Variants in GRIN2B observed in about 807,000 individuals in gnomAD.
GRIN2B encodes the protein glutamate ionotropic receptor NMDA type subunit 2B.
GRIN2B carries 5 observed loss-of-function variants against 114.5 expected under a neutral mutation model. The observed-to-expected ratio is 0.04, with a 90% confidence interval of 0.02 to 0.09. The LOEUF is 0.09. GRIN2B is among the 10% of genes least tolerant of loss of function. The pLI is 1.00. For synonymous variants in GRIN2B, 787 were observed against 745.1 expected (o/e 1.06, Z -0.92); for missense variants, 1,108 against 1,943.5 (o/e 0.57, Z 8.08).
intron 3 of GRIN2B, among the ~76,000 whole-genome samples, chr12:13,863,673 GA>G (rs1195183854): frequency 6.6e-6 from 1 of 151,964 alleles, no homozygotes; most frequent in Non-Finnish European, 1.5e-5. Flanking sequence ...ATACATCAGC[GA>G]AAAAAAGAGT....
intron 2 of GRIN2B, among the ~76,000 whole-genome samples, chr12:13,914,286 C>T (rs1367929204): frequency 6.6e-6 from 1 of 152,166 alleles, no homozygotes; most frequent in African/African-American, 2.4e-5. Flanking sequence ...GCATCAGGTT[C>T]CAGCTTGCAC....
chr12:13,815,528 G>A (rs1864805464), intron 3 of GRIN2B, among the ~76,000 whole-genome samples: 2 of 152,276 alleles, frequency 1.3e-5, no homozygotes, highest in East Asian at 1.9e-4. Context: ...CATTAGAGAT[G>A]GGAGATTTGG....
At chr12:13,820,949 T>A (rs532153447) in intron 3 of GRIN2B, among the ~76,000 whole-genome samples, 1 of 152,292 alleles carries the variant, frequency 6.6e-6, no homozygotes, top group Admixed American at 6.5e-5. Context: ...ATTAAACTCC[T>A]TTGAATAACA....
At chr12:13,957,868 A>AT (rs1867618899) in intron 2 of GRIN2B, among the ~76,000 whole-genome samples, 1 of 152,194 alleles carries the variant, frequency 6.6e-6, no homozygotes, top group Admixed American at 6.5e-5. Flanking sequence ...GAAAACCCAG[A>AT]TTAGGCAAAT....
At chr12:13,846,059 C>T (rs1346045748) in intron 3 of GRIN2B, among the ~76,000 whole-genome samples, 1 of 152,184 alleles carries the variant, frequency 6.6e-6, no homozygotes, top group African/African-American at 2.4e-5. Context: ...ATACCAGAAA[C>T]TTCTTGAATA....
intron 10 of GRIN2B, among the ~76,000 whole-genome samples, chr12:13,582,802 C>CA: frequency 6.6e-6 from 1 of 152,268 alleles, no homozygotes; most frequent in East Asian, 1.9e-4. Context: ...GGAGCCGAAA[C>CA]AAAAGCTTGC....
chr12:13,869,993 G>A (rs1450928625), intron 2 of GRIN2B, among the ~76,000 whole-genome samples: 2 of 152,294 alleles, frequency 1.3e-5, no homozygotes, highest in East Asian at 1.9e-4. Context: ...AGGATATTAC[G>A]TTTAAGCTTC....
chr12:13,811,180 C>T (rs561882124), intron 3 of GRIN2B, among the ~76,000 whole-genome samples: 193 of 152,266 alleles, frequency 1.3e-3, no homozygotes, highest in Middle Eastern at 3.4e-3. Flanking sequence ...ATAGAGTTGG[C>T]AGTATGAAAA....
At chr12:13,851,360 C>T (rs1002109703) in intron 3 of GRIN2B, among the ~76,000 whole-genome samples, 16 of 152,088 alleles carry the variant, frequency 1.1e-4, no homozygotes, top group African/African-American at 3.9e-4. Flanking sequence ...TCTTCTTTCT[C>T]CTTCTTAATC....
At chr12:13,749,852 C>G (rs1268559467) in intron 4 of GRIN2B, among the ~76,000 whole-genome samples, 1 of 152,192 alleles carries the variant, frequency 6.6e-6, no homozygotes, top group Non-Finnish European at 1.5e-5. Context: ...GGAAACTATA[C>G]TAAAATATTC....
In GRIN2B at chr12:13,612,250, C is replaced by T. The variant is rs75767360; in HGVS notation, c.1655-400G>A. 1.4e-3 allele frequency among the ~76,000 whole-genome samples: 216 copies of T among 152,370 alleles called. 1 individual carries two copies. Among genetic ancestry groups the T allele is most frequent in the African/African-American group, 5.0e-3 (207 of 41,594 alleles). On this transcript the variant is annotated intron_variant, in intron 8 of 13. Transcript: ENST00000609686. Reference sequence around the variant, plus strand: ...TGTAATGGAGGCCTGGAAATGCCTTCTCCAATGCTTCTGAACCTTGCAGAT... The same window carrying T: ...TGTAATGGAGGCCTGGAAATGCCTTTTCCAATGCTTCTGAACCTTGCAGAT...
intron 10 of GRIN2B, among the ~76,000 whole-genome samples, chr12:13,598,789 C>G (rs572221430): frequency 4.6e-5 from 7 of 152,226 alleles, no homozygotes; most frequent in African/African-American, 1.7e-4. Context: ...AAAGGGTTCT[C>G]CAGATAATTT....
intron 3 of GRIN2B, among the ~76,000 whole-genome samples, chr12:13,822,031 G>A (rs1433577109): frequency 6.6e-6 from 1 of 152,040 alleles, no homozygotes; most frequent in Non-Finnish European, 1.5e-5. Context: ...CAAAACCAGG[G>A]AATGATATTG....
chr12:13,635,975 A>G (rs1949662703), intron 5 of GRIN2B, among the ~76,000 whole-genome samples: 1 of 152,184 alleles, frequency 6.6e-6, no homozygotes, highest in Non-Finnish European at 1.5e-5. Context: ...CATTCTAGTG[A>G]GGGAGAAAGA....
intron 5 of GRIN2B, among the ~76,000 whole-genome samples, chr12:13,661,659 G>A (rs1949924711): frequency 6.6e-6 from 1 of 152,192 alleles, no homozygotes; most frequent in Non-Finnish European, 1.5e-5. Context: ...AAACTCCAGT[G>A]TCTGCAGGGG....
chr12:13,550,064 AT>A lies in GRIN2B; in HGVS notation c.*12718del, dbSNP rs1270259909. Reference sequence around the variant, plus strand: ...CAGCCAAGTTTTGGTTCTGTCAAGAATTTTCTGTATAATCTTACTTTTGGCT... The same window carrying A: ...CAGCCAAGTTTTGGTTCTGTCAAGAATTTCTGTATAATCTTACTTTTGGCT... On this transcript the variant is annotated 3_prime_UTR_variant, in exon 14 of 14. Coordinates refer to ENST00000609686, the MANE Select transcript of GRIN2B (RefSeq NM_000834.5). 3 of 152,126 alleles carry A rather than the reference AT, an allele frequency of 2.0e-5. No homozygotes were observed. Among genetic ancestry groups the A allele is most frequent in the Non-Finnish European group, 4.4e-5 (3 of 68,022 alleles). 9.4% of individuals were successfully genotyped at this position (152,126 alleles called of 1,614,324 possible). A position where few individuals can be genotyped will look rare whatever the true frequency, so the allele number is the denominator to read the frequency against.
In GRIN2B at chr12:13,538,251, A is replaced by G. The variant is rs1374742795; in HGVS notation, c.*24532T>C. On this transcript the variant is annotated 3_prime_UTR_variant, in exon 14 of 14. Transcript: ENST00000609686. ...GCCTTTCATTAGACTGGTCTTACTG[A>G]TAGTCCCTTGCAGTGGACTTCAGGG... is the stretch of plus-strand genomic sequence containing the variant. 1.3e-5 allele frequency: 2 copies of G among 152,166 alleles called. No individual in the cohort carries two copies. The highest frequency in any genetic ancestry group is 1.5e-5 in the Non-Finnish European group (1 of 68,044). 9.4% of individuals were successfully genotyped at this position (152,166 alleles called of 1,614,324 possible). A position where few individuals can be genotyped will look rare whatever the true frequency, so the allele number is the denominator to read the frequency against.
At chr12:13,769,894 A>G (rs1192792937) in intron 3 of GRIN2B, among the ~76,000 whole-genome samples, 4 of 152,228 alleles carry the variant, frequency 2.6e-5, no homozygotes, top group Non-Finnish European at 5.9e-5. Flanking sequence ...ACAAACCTCC[A>G]TTAGGACTTG....
intron 5 of GRIN2B, among the ~76,000 whole-genome samples, chr12:13,640,228 A>G (rs888642495): frequency 6.6e-6 from 1 of 152,106 alleles, no homozygotes; most frequent in Non-Finnish European, 1.5e-5. Flanking sequence ...TCCAGCCTGG[A>G]TGACAGAGCA....
Sources: gnomAD v4.1 joint callset for allele counts (sites outside exome capture counted in the v4.1 genomes callset) on GRCh38, gnomAD v4.1.1 for gene constraint, MANE v1.5 for transcripts, NCBI Gene and HGNC (gene_info 2026-07-23, HGNC 2026-07-21) for gene names.